The following SLC24A3 variants were observed in gnomAD, a reference collection of about 807,000 sequenced individuals.
SLC24A3 encodes solute carrier family 24 member 3.
SLC24A3 carries 28 observed loss-of-function variants against 75.8 expected under a neutral mutation model. That is an observed-to-expected ratio of 0.37 (90% CI 0.27 to 0.51). The LOEUF (loss-of-function observed/expected upper bound fraction) is 0.51, where lower values mean the gene tolerates loss of function less well. Ranked by LOEUF, SLC24A3 falls within the 20% of genes least tolerant of loss-of-function variation. The pLI, the probability that SLC24A3 is intolerant of heterozygous loss-of-function variation, is 0.94. For synonymous variants in SLC24A3, 372 were observed against 334.1 expected (o/e 1.11, Z -1.24); for missense variants, 663 against 847.8 (o/e 0.78, Z 2.71).
At chr20:19,600,427 T>C (rs1046579271) in intron 6 of SLC24A3, among the ~76,000 whole-genome samples, 4 of 152,166 alleles carry the variant, frequency 2.6e-5, no homozygotes, top group African/African-American at 9.7e-5. Flanking sequence ...CAAATATATC[T>C]CCTTAATTTT....
rs75847083 is a variant in SLC24A3, at chr20:19,679,952, G to A, written c.768-1906G>A. Among the ~76,000 whole-genome samples, 569 of 151,474 alleles carry A rather than the reference G, an allele frequency of 3.8e-3. 10 individuals carry two copies. The East Asian group carries it at 0.058, about 16-fold the overall frequency. Reference sequence around the variant, plus strand: ...GCAGAGTTGCCCACGGTTGGAAAGCGTTGATTATATCCCATGATGTGGCAC... The same window carrying A: ...GCAGAGTTGCCCACGGTTGGAAAGCATTGATTATATCCCATGATGTGGCAC... On this transcript the variant is annotated intron_variant, in intron 9 of 16. Coordinates refer to ENST00000328041, the MANE Select transcript of SLC24A3 (RefSeq NM_020689.4).
chr20:19,574,805 A>T (rs2031105116), intron 3 of SLC24A3, among the ~76,000 whole-genome samples: 2 of 152,196 alleles, frequency 1.3e-5, no homozygotes, highest in African/African-American at 4.8e-5. Flanking sequence ...AAGTAAGAAG[A>T]GTCACACAAA....
intron 2 of SLC24A3, among the ~76,000 whole-genome samples, chr20:19,334,708 C>T (rs1985086594): frequency 6.6e-6 from 1 of 152,184 alleles, no homozygotes; most frequent in African/African-American, 2.4e-5. Flanking sequence ...GGACTCATTG[C>T]AATTTGGCAC....
At chr20:19,310,590 T>G (rs955652276) in intron 2 of SLC24A3, among the ~76,000 whole-genome samples, 34 of 152,300 alleles carry the variant, frequency 2.2e-4, no homozygotes, top group Middle Eastern at 3.4e-3. Flanking sequence ...TGCGGCTACC[T>G]GGGAAGGAAA....
At position 19,690,839 on chromosome 20, in the gene SLC24A3, A is replaced by T. The variant is rs571294675; in HGVS notation, c.1325-2420A>T. On this transcript the variant is annotated intron_variant, in intron 12 of 16. Coordinates refer to ENST00000328041, the MANE Select transcript of SLC24A3 (RefSeq NM_020689.4). ...GCTTAAATCTAACAAGACTCATAGC[A>T]GCTAATAGGAAAACACTTCTCTTTT... Among the ~76,000 whole-genome samples, 12 of 152,330 alleles carry T rather than the reference A, an allele frequency of 7.9e-5. No homozygotes were observed. The East Asian group carries it at 2.1e-3, about 27-fold the overall frequency.
intron 15 of SLC24A3, among the ~76,000 whole-genome samples, chr20:19,705,640 G>A (rs964144495): frequency 6.6e-6 from 1 of 152,090 alleles, no homozygotes; most frequent in Non-Finnish European, 1.5e-5. Flanking sequence ...CATCAGAACC[G>A]AGCAGCTACT....
At chr20:19,291,846 C>T (rs75001082) in intron 2 of SLC24A3, among the ~76,000 whole-genome samples, 4,744 of 152,276 alleles carry the variant, frequency 0.031, 238 homozygotes, top group African/African-American at 0.11. Context: ...AGGCAAGAAG[C>T]TGCAGACCCC....
At chr20:19,547,129 T>C (rs2030613550) in intron 3 of SLC24A3, among the ~76,000 whole-genome samples, 1 of 152,206 alleles carries the variant, frequency 6.6e-6, no homozygotes, top group African/African-American at 2.4e-5. Context: ...GTGGCATTAT[T>C]TGATTAGCAT....
At chr20:19,444,635 A>G (rs1165802916) in intron 2 of SLC24A3, among the ~76,000 whole-genome samples, 1 of 152,156 alleles carries the variant, frequency 6.6e-6, no homozygotes, top group Non-Finnish European at 1.5e-5. Flanking sequence ...TCCTTTATTA[A>G]CCTTTCAATG....
At position 19,580,038 on chromosome 20, in the gene SLC24A3, T is replaced by A; in HGVS notation, c.387T>A (p.Asp129Glu). 6.2e-7 allele frequency: 1 copy of A among 1,614,032 alleles called. No individual in the cohort carries two copies. The highest frequency in any genetic ancestry group is 2.2e-5 in the East Asian group (1 of 44,880). ...TCTATGCGCTGGCCATTGTGTGTGA[T>A]GACTTCTTCGTCCCTTCCTTGGAAA... ...YMFYALAIVC[D>E]DFFVPSLEKI... is the part of the protein sequence containing the mutation. The change falls in exon 4 of 17, where the codon GAT (aspartate) becomes GAA (glutamate). Residue 129 changes from aspartate to glutamate, a missense_variant. Physicochemically the swap from Asp to Glu is conservative, Grantham distance 45. Around this residue, in one of 2 missense-constraint regions of SLC24A3, gnomAD observed 510 missense variants for 703.6 expected, o/e 0.72. Coordinates refer to ENST00000328041, the MANE Select transcript of SLC24A3 (RefSeq NM_020689.4).
intron 1 of SLC24A3, 96 bp downstream of exon 1, chr20:19,213,080 G>A: frequency 8.8e-7 from 1 of 1,130,132 alleles, no homozygotes; most frequent in Non-Finnish European, 1.1e-6. Context: ...GGCCCGGCCG[G>A]AGCCCCAGGA....
Position 19,447,080 on chromosome 20 carries a change from C to T in SLC24A3, c.272-68408C>T, listed in dbSNP as rs138185583. Among the ~76,000 whole-genome samples the T allele has an allele frequency of 1.8e-4, 27 of 152,206 alleles. No individual in the cohort carries two copies. The East Asian group carries it at 4.4e-3, about 25-fold the overall frequency. On this transcript the variant is annotated intron_variant, in intron 2 of 16. Coordinates refer to ENST00000328041, the MANE Select transcript of SLC24A3 (RefSeq NM_020689.4). Reference sequence around the variant, plus strand: ...AGAAAGAAATGGAACCTGGACAAACCCAAGATAGATTTGAGTATCATCTGC... The same window carrying T: ...AGAAAGAAATGGAACCTGGACAAACTCAAGATAGATTTGAGTATCATCTGC...
At chr20:19,652,444 AG>A (rs1381443880) in intron 6 of SLC24A3, among the ~76,000 whole-genome samples, 1 of 152,250 alleles carries the variant, frequency 6.6e-6, no homozygotes, top group Non-Finnish European at 1.5e-5. Flanking sequence ...ATAAATGGTG[AG>A]TGATGACCAC....
chr20:19,575,254 CAAAAAAAAAAAA>C (rs34789411), intron 3 of SLC24A3, among the ~76,000 whole-genome samples: 6 of 72,642 alleles, frequency 8.3e-5, no homozygotes, highest in Admixed American at 1.7e-4. Context: ...GAGACACTCT[CAAAAAAAAAAAA>C]AAAAAAAAAA....
chr20:19,568,485 T>A (rs536713037), intron 3 of SLC24A3, among the ~76,000 whole-genome samples: 1 of 152,220 alleles, frequency 6.6e-6, no homozygotes, highest in Admixed American at 6.5e-5. Flanking sequence ...GAATATATTA[T>A]GCTAAGTGAA....
chr20:19,552,098 C>A (rs889275823), intron 3 of SLC24A3, among the ~76,000 whole-genome samples: 1 of 152,168 alleles, frequency 6.6e-6, no homozygotes, highest in Non-Finnish European at 1.5e-5. Context: ...AACTTTTTCC[C>A]CGTCTTTGAA....
chr20:19,602,162 A>C (rs1466194015), intron 6 of SLC24A3, among the ~76,000 whole-genome samples: 1 of 152,250 alleles, frequency 6.6e-6, no homozygotes, highest in Non-Finnish European at 1.5e-5. Flanking sequence ...CGACAAGAGC[A>C]AAACTGTGTC....
At chr20:19,450,891 A>C (rs886440546) in intron 2 of SLC24A3, among the ~76,000 whole-genome samples, 1 of 152,142 alleles carries the variant, frequency 6.6e-6, no homozygotes, top group Admixed American at 6.5e-5. Flanking sequence ...CCCAGCTACT[A>C]AGGAGACTGA....
chr20:19,526,138 C>G (rs1400588599), intron 3 of SLC24A3, among the ~76,000 whole-genome samples: 1 of 152,190 alleles, frequency 6.6e-6, no homozygotes, highest in Non-Finnish European at 1.5e-5. Flanking sequence ...TGTTTCCCTT[C>G]CTACCCACTG....
Sources: allele counts gnomAD v4.1 joint callset (sites outside exome capture counted in the v4.1 genomes callset), GRCh38; gene constraint gnomAD v4.1.1; regional missense constraint gnomAD v4.1.1; transcripts MANE v1.5; gene names NCBI Gene and HGNC (gene_info 2026-07-23, HGNC 2026-07-21).